REEP4: variants seen among roughly 807,000 people sequenced by gnomAD.
REEP4 encodes receptor accessory protein 4, also known as receptor expression-enhancing protein 4.
A neutral mutation model predicts 33.5 loss-of-function variants in REEP4; 17 were observed. That is an observed-to-expected ratio of 0.51 (90% CI 0.35 to 0.76). The LOEUF is 0.76. Among genes scored for constraint, REEP4 ranks in the 30% least tolerant of loss-of-function variants. The pLI, the probability that REEP4 is intolerant of heterozygous loss-of-function variation, is 0.01. For missense variants in REEP4, 340 were observed against 357.9 expected, an observed-to-expected ratio of 0.95 and a Z score of 0.40; for synonymous variants, 157 against 142.9, an observed-to-expected ratio of 1.10 and a Z score of -0.70.
At position 22,138,157 on chromosome 8, in the gene REEP4, C is replaced by T; in HGVS notation, c.*330G>A. 2 of 600,554 alleles carry T rather than the reference C, an allele frequency of 3.3e-6. No homozygotes were observed. The highest frequency in any genetic ancestry group is 2.0e-5 in the South Asian group (1 of 50,928). 37.2% of individuals were successfully genotyped at this position (600,554 alleles called of 1,614,324 possible). On this transcript the variant is annotated 3_prime_UTR_variant, in exon 8 of 8. Transcript: ENST00000306306. The stretch of plus-strand genomic sequence containing the variant: ...TTTGAAGGACAGGAAGGAATGAACA[C>T]ACCCAGGTGGACGTTTGGTTTCATT...
At position 22,138,346 on chromosome 8, in the gene REEP4, G is replaced by T; in HGVS notation, c.*141C>A. On this transcript the variant is annotated 3_prime_UTR_variant, in exon 8 of 8. Coordinates refer to ENST00000306306, the MANE Select transcript of REEP4 (RefSeq NM_025232.4). ...GTGGCCTTGGCAGCATCTGCTCCCG[G>T]CCCTTAACCATCAGCAGGAGTCAGG... The T allele has an allele frequency of 1.0e-6, 1 of 974,030 alleles. No homozygotes were observed. Among genetic ancestry groups the T allele is most frequent in the Non-Finnish European group, 1.6e-6 (1 of 627,840 alleles). The allele number at this position is 974,030 out of a possible 1,614,324, so 60.3% of individuals were successfully genotyped here. A position where few individuals can be genotyped will look rare whatever the true frequency, so the allele number is the denominator to read the frequency against.
At chr8:22,139,932 A>G (rs1301354754) in intron 4 of REEP4, 31 bp downstream of exon 4, 36 of 1,559,222 alleles carry the variant, frequency 2.3e-5, no homozygotes, top group Non-Finnish European at 3.0e-5. Context: ...ACCCACCCCT[A>G]AGCCTCCCTT....
Position 22,138,978 on chromosome 8 carries a change from G to A in REEP4, c.501C>T (p.Tyr167=). ...GGTCCTCCAGGTAGAGGGGGTCATG[G>A]TAGGCAGGGGCAGGTGCGTCAGAGA... ...RSISDAPAPA[Y]HDPLYLEDQV... The change falls in exon 6 of 8, where the codon TAC becomes TAT. Residue 167 remains tyrosine (Y), a synonymous_variant. Coordinates refer to ENST00000306306, the MANE Select transcript of REEP4 (RefSeq NM_025232.4). The A allele has an allele frequency of 1.2e-6, 2 of 1,609,118 alleles. No homozygotes were observed. The highest frequency in any genetic ancestry group is 1.7e-6 in the Non-Finnish European group (2 of 1,178,070).
Position 22,140,175 on chromosome 8 carries a change from G to T in REEP4, c.179C>A (p.Ser60Tyr), listed in dbSNP as rs1295802177. 2.5e-6 allele frequency: 4 copies of T among 1,614,084 alleles called. No homozygotes were observed. The highest frequency in any genetic ancestry group is 3.4e-6 in the Non-Finnish European group (4 of 1,180,018). ...CTTGCGGACCCTGCGTCCATACCAG[G>T]AGATAAAAATGTCTGTAACGATCTC... ...AAEIVTDIFI[S>Y]WFPFYYEIKM... Residue 60 changes from serine (S) to tyrosine (Y), a missense_variant, in exon 3 of 8, where the codon TCC becomes TAC. Transcript: ENST00000306306.
In REEP4 at chr8:22,138,181, TTTGCAGGGGTTCAGGGAGGG is replaced by T. The variant is rs772776740; in HGVS notation, c.*286_*305del. The T allele has an allele frequency of 3.2e-4, 191 of 602,556 alleles. No individual in the cohort carries two copies. The highest frequency in any genetic ancestry group is 6.1e-4 in the Admixed American group (21 of 34,524). The allele number at this position is 602,556 out of a possible 1,614,324, so 37.3% of individuals were successfully genotyped here. On this transcript the variant is annotated 3_prime_UTR_variant, in exon 8 of 8. Coordinates refer to ENST00000306306, the MANE Select transcript of REEP4 (RefSeq NM_025232.4). ...ACACCCAGGTGGACGTTTGGTTTCA[TTTGCAGGGGTTCAGGGAGGG>T]TTGCAGGGGTTCAGGGAGGGCTCTT... is the stretch of plus-strand genomic sequence containing the variant.
chr8:22,139,271 C>CA, intron 5 of REEP4, 145 bp downstream of exon 5: 1 of 926,066 alleles, frequency 1.1e-6, no homozygotes. Flanking sequence ...ACTCCAGCTC[C>CA]ACGCTTCTGC....
intron 2 of REEP4, 43 bp downstream of exon 2, chr8:22,140,582 C>A: frequency 1.3e-6 from 2 of 1,568,248 alleles, no homozygotes; most frequent in Non-Finnish European, 1.7e-6. Context: ...ACCCTCCCCA[C>A]CTCACCAAGT....
chr8:22,140,566 A>G (rs1018259801), intron 2 of REEP4, 59 bp downstream of exon 2: 7 of 1,484,484 alleles, frequency 4.7e-6, no homozygotes, highest in Middle Eastern at 3.5e-4. Context: ...GGAGAGGCCA[A>G]CTGAGACCCT....
At chr8:22,140,520 C>T in intron 2 of REEP4, 105 bp downstream of exon 2, 2 of 1,039,702 alleles carry the variant, frequency 1.9e-6, no homozygotes, top group Admixed American at 1.9e-5. Context: ...CCCCACTCCA[C>T]TCAGGATGTG....
Position 22,139,470 on chromosome 8 carries a change from G to C in REEP4, c.363C>G (p.Phe121Leu), listed in dbSNP as rs531148000. Residue 121 changes from phenylalanine (F) to leucine (L), a missense_variant, in exon 5 of 8, where the codon TTC becomes TTG. Coordinates refer to ENST00000306306, the MANE Select transcript of REEP4 (RefSeq NM_025232.4). ...KERSYETVLS[F>L]GKRGLNIAAS... ...CGGCAATGTTGAGGCCCCGCTTCCC[G>C]AAGCTGAGCACGGTCTCGTAGCTGC... The C allele has an allele frequency of 1.2e-6, 2 of 1,610,548 alleles. No homozygotes were observed. The highest frequency in any genetic ancestry group is 8.5e-7 in the Non-Finnish European group (1 of 1,179,924).
chr8:22,138,368 C>T lies in REEP4; in HGVS notation c.*119G>A, dbSNP rs1328970239. On this transcript the variant is annotated 3_prime_UTR_variant, in exon 8 of 8. Coordinates refer to ENST00000306306, the MANE Select transcript of REEP4 (RefSeq NM_025232.4). ...CCGGCCCTTAACCATCAGCAGGAGTCAGGAGGGTGGGGCCCAGGCAGCTGG... is the reference window on the plus strand; with the variant it reads ...CCGGCCCTTAACCATCAGCAGGAGTTAGGAGGGTGGGGCCCAGGCAGCTGG... 9 of 1,199,296 alleles carry T rather than the reference C, an allele frequency of 7.5e-6. No homozygotes were observed. Among genetic ancestry groups the T allele is most frequent in the Non-Finnish European group, 9.7e-6 (8 of 825,076 alleles). The allele number at this position is 1,199,296 out of a possible 1,614,324, so 74.3% of individuals were successfully genotyped here. A position where few individuals can be genotyped will look rare whatever the true frequency, so the allele number is the denominator to read the frequency against.
At position 22,141,624 on chromosome 8, in the gene REEP4, G is replaced by A. The variant is rs1827233388; in HGVS notation, c.-142C>T. On this transcript the variant is annotated 5_prime_UTR_variant, in exon 1 of 8. Transcript: ENST00000306306. ...CTGTCCCTCGGCGGAGGCAGAGCCC[G>A]CCGCCCACGGCCTCCGACTGTGCAG... The A allele has an allele frequency of 9.0e-6, 7 of 775,150 alleles. No homozygotes were observed. Among genetic ancestry groups the A allele is most frequent in the African/African-American group, 3.6e-5 (2 of 55,248 alleles). 48.0% of individuals were successfully genotyped at this position (775,150 alleles called of 1,614,324 possible).
Position 22,139,618 on chromosome 8 carries a change from A to ACCCAGCCCAGCCCAG in REEP4, c.304-104_304-90dup, listed in dbSNP as rs147139227. On this transcript the variant is annotated intron_variant, in intron 4 of 7. Transcript: ENST00000306306. ...CTGAGAAGCCACTGGTTGTGGCGCC[A>ACCCAGCCCAGCCCAG]CCCAGCCCAGCCCAGCCCCACCTGG... 811 of 1,126,192 alleles carry ACCCAGCCCAGCCCAG rather than the reference A, an allele frequency of 7.2e-4. 1 individual carries two copies. Among genetic ancestry groups the ACCCAGCCCAGCCCAG allele is most frequent in the Middle Eastern group, 6.7e-3 (32 of 4,788 alleles). The allele number at this position is 1,126,192 out of a possible 1,614,324, so 69.8% of individuals were successfully genotyped here. A position where few individuals can be genotyped will look rare whatever the true frequency, so the allele number is the denominator to read the frequency against.
In REEP4 at chr8:22,138,742, G is replaced by C; in HGVS notation, c.605C>G (p.Ser202Ter). The change falls in exon 7 of 8, where the codon TCA becomes TGA. Residue 202 changes from serine (S) to a stop codon, truncating the protein, a stop_gained. Transcript: ENST00000306306. LOFTEE classifies it high-confidence loss of function. Reference sequence around the variant, plus strand: ...CGCCCGGGGGACTGCCTCAGTATCTGACCAACACTCATCCTCGGTGTCGCT... The same window carrying C: ...CGCCCGGGGGACTGCCTCAGTATCTCACCAACACTCATCCTCGGTGTCGCT... ...QDSDTEDECWSDTEAVPRAPA... is the reference protein window; with the variant it reads ...QDSDTEDECW The C allele has an allele frequency of 6.2e-7, 1 of 1,611,988 alleles. No individual in the cohort carries two copies. Among genetic ancestry groups the C allele is most frequent in the Non-Finnish European group, 8.5e-7 (1 of 1,179,510 alleles).
intron 2 of REEP4, 43 bp downstream of exon 2, chr8:22,140,582 C>T (rs765189926): frequency 4.5e-6 from 7 of 1,568,250 alleles, no homozygotes; most frequent in South Asian, 1.2e-5. Context: ...ACCCTCCCCA[C>T]CTCACCAAGT....
Position 22,140,703 on chromosome 8 carries a change from A to G in REEP4, c.33-6T>C. The G allele has an allele frequency of 6.2e-7, 1 of 1,611,686 alleles. No homozygotes were observed. The highest frequency in any genetic ancestry group is 1.1e-5 in the South Asian group (1 of 90,760). On this transcript the variant is annotated splice_polypyrimidine_tract_variant and splice_region_variant and intron_variant, in intron 1 of 7. Transcript: ENST00000306306. ...ACAGCATCCCAAACACCAGCCTGGA[A>G]GAGCAGCCATGGGGAGTGTGAGGGG...
At position 22,140,213 on chromosome 8, in the gene REEP4, G is replaced by A. The variant is rs752398628; in HGVS notation, c.141C>T (p.Leu47=). 1.9e-6 allele frequency: 3 copies of A among 1,614,152 alleles called. No homozygotes were observed. Among genetic ancestry groups the A allele is most frequent in the Admixed American group, 3.3e-5 (2 of 60,022 alleles). ...CTGTAACGATCTCTGCTGCCATGAAGAGTGCAAAAACAATCCAGTACATCA... is the reference window on the plus strand; with the variant it reads ...CTGTAACGATCTCTGCTGCCATGAAAAGTGCAAAAACAATCCAGTACATCA... The part of the protein sequence containing the change: ...RWMMYWIVFA[L]FMAAEIVTDI... The change falls in exon 3 of 8, where the codon CTC becomes CTT. Residue 47 remains leucine, a synonymous_variant. Coordinates refer to ENST00000306306, the MANE Select transcript of REEP4 (RefSeq NM_025232.4).
chr8:22,139,849 T>G lies in REEP4; in HGVS notation c.303+114A>C, dbSNP rs1023760698. The stretch of plus-strand genomic sequence containing the variant: ...GCCCTGTCAAGGTCCTGCCCCTCAA[T>G]AGCAGCAGGACTGGGATAGAACCCC... On this transcript the variant is annotated intron_variant, in intron 4 of 7. Coordinates refer to ENST00000306306, the MANE Select transcript of REEP4 (RefSeq NM_025232.4). The G allele has an allele frequency of 7.6e-6, 10 of 1,311,940 alleles. No homozygotes were observed. In the Admixed American group the frequency reaches 2.2e-4, roughly 30 times the overall value. 81.3% of individuals were successfully genotyped at this position (1,311,940 alleles called of 1,614,324 possible). A position where few individuals can be genotyped will look rare whatever the true frequency, so the allele number is the denominator to read the frequency against.
intron 5 of REEP4, 115 bp from the exon 6 acceptor site, chr8:22,139,176 G>A (rs771454281): frequency 3.4e-5 from 47 of 1,397,956 alleles, no homozygotes; most frequent in Non-Finnish European, 3.9e-5. Flanking sequence ...CTGGCCCCGC[G>A]CCAATGTGGC....
Sources: gnomAD v4.1 joint callset for allele counts on GRCh38, gnomAD v4.1.1 for gene constraint, MANE v1.5 for transcripts, NCBI Gene and HGNC (gene_info 2026-07-23, HGNC 2026-07-21) for gene names.